Variants in HDAC9 observed in about 807,000 individuals in gnomAD.
The protein encoded by HDAC9 is MEF-2 interacting transcription repressor (MITR) protein.
Under a neutral mutation model 139.4 loss-of-function variants are expected in HDAC9, and 41 were observed. The observed-to-expected ratio is 0.29, with a 90% CI of 0.23 to 0.38. The LOEUF (loss-of-function observed/expected upper bound fraction) is 0.38. HDAC9 is among the 10% of genes least tolerant of loss of function. The pLI is 1.00. For synonymous variants in HDAC9, 517 were observed against 476.2 expected (o/e 1.09, Z -1.12); for missense variants, 1,147 against 1,297.0 (o/e 0.88, Z 1.78).
chr7:18,573,754 T>A (rs969544527), intron 2 of HDAC9, among the ~76,000 whole-genome samples: 4 of 152,176 alleles, frequency 2.6e-5, no homozygotes, highest in Non-Finnish European at 1.5e-5. Context: ...ACGCGGCTTC[T>A]GCTATGGGCA....
intron 12 of HDAC9, among the ~76,000 whole-genome samples, chr7:18,669,059 A>G (rs1286074419): frequency 6.6e-6 from 1 of 151,636 alleles, no homozygotes; most frequent in African/African-American, 2.4e-5. Context: ...AATAGCTAAC[A>G]CATGTAAAAT....
At chr7:18,630,708 A>C (rs753802460) in intron 7 of HDAC9, among the ~76,000 whole-genome samples, 4 of 152,116 alleles carry the variant, frequency 2.6e-5, no homozygotes, top group South Asian at 2.1e-4. Flanking sequence ...ATAATCACTA[A>C]TTTAGACGAA....
intron 1 of HDAC9, among the ~76,000 whole-genome samples, chr7:18,089,914 T>C (rs530815088): frequency 2.2e-4 from 31 of 141,232 alleles, no homozygotes; most frequent in African/African-American, 7.1e-4. Context: ...TTTTGCTTCA[T>C]TGGTTTTTTT....
intron 1 of HDAC9, among the ~76,000 whole-genome samples, chr7:18,295,000 G>A (rs1482033909): frequency 6.6e-6 from 1 of 152,042 alleles, no homozygotes; most frequent in Admixed American, 6.6e-5. Flanking sequence ...GTGAAGATGG[G>A]CAAATTGGAA....
chr7:18,675,561 C>G (rs895458282), intron 12 of HDAC9, among the ~76,000 whole-genome samples: 2 of 152,034 alleles, frequency 1.3e-5, no homozygotes, highest in African/African-American at 4.8e-5. Flanking sequence ...TAACTTTGTT[C>G]TCCTTGGTAG....
At chr7:18,983,093 CTCCT>C (rs1263077611) in intron 25 of HDAC9, among the ~76,000 whole-genome samples, 1 of 152,138 alleles carries the variant, frequency 6.6e-6, no homozygotes, top group African/African-American at 2.4e-5. Flanking sequence ...CATTGACCAG[CTCCT>C]TCATCTTCCC....
intron 1 of HDAC9, among the ~76,000 whole-genome samples, chr7:18,330,031 G>A (rs964920989): frequency 6.6e-6 from 1 of 150,974 alleles, no homozygotes; most frequent in African/African-American, 2.4e-5. Flanking sequence ...TAATGGGAAG[G>A]TATGATACCC....
chr7:18,205,417 T>A (rs1052411403), intron 2 of HDAC9, among the ~76,000 whole-genome samples: 6 of 152,044 alleles, frequency 3.9e-5, no homozygotes, highest in African/African-American at 1.2e-4. Flanking sequence ...AATATGGAAA[T>A]TAAAATTATA....
At chr7:18,796,585 C>T (rs1431997836) in intron 17 of HDAC9, among the ~76,000 whole-genome samples, 1 of 152,112 alleles carries the variant, frequency 6.6e-6, no homozygotes, top group Non-Finnish European at 1.5e-5. Flanking sequence ...TTTAAAAATA[C>T]ATAAGAAGGA....
intron 22 of HDAC9, among the ~76,000 whole-genome samples, chr7:18,885,093 G>A (rs1000398452): frequency 6.6e-6 from 1 of 152,196 alleles, no homozygotes; most frequent in Non-Finnish European, 1.5e-5. Flanking sequence ...AAATAGAAAA[G>A]ATGACTTTCT....
chr7:18,811,676 T>A (rs1794184520), intron 17 of HDAC9, among the ~76,000 whole-genome samples: 2 of 152,024 alleles, frequency 1.3e-5, no homozygotes, highest in South Asian at 4.1e-4. Context: ...TTGTATTACT[T>A]TATTGTATAT....
intron 15 of HDAC9, among the ~76,000 whole-genome samples, chr7:18,765,724 C>G (rs1475000273): frequency 6.6e-6 from 1 of 152,140 alleles, no homozygotes; most frequent in Non-Finnish European, 1.5e-5. Flanking sequence ...TATGAATATA[C>G]TCTTGCAAAA....
At chr7:18,613,654 T>A (rs1029670611) in intron 6 of HDAC9, among the ~76,000 whole-genome samples, 9 of 152,196 alleles carry the variant, frequency 5.9e-5, no homozygotes, top group African/African-American at 1.9e-4. Flanking sequence ...CCTATATGAT[T>A]GAGTTTAGAA....
intron 2 of HDAC9, chr7:18,162,441 G>A: frequency 8.0e-7 from 1 of 1,255,638 alleles, no homozygotes; most frequent in Non-Finnish European, 1.1e-6. Flanking sequence ...ATTTATGAAG[G>A]AACTTTTTTT....
At chr7:18,898,761 T>A (rs1193723770) in intron 22 of HDAC9, among the ~76,000 whole-genome samples, 1 of 151,868 alleles carries the variant, frequency 6.6e-6, no homozygotes, top group African/African-American at 2.4e-5. Context: ...TCTGATTTAG[T>A]TGATTGGTGT....
chr7:18,414,357 A>G (rs1788850518), intron 1 of HDAC9, among the ~76,000 whole-genome samples: 1 of 152,080 alleles, frequency 6.6e-6, no homozygotes, highest in Non-Finnish European at 1.5e-5. Context: ...CTTATCAAAT[A>G]ATAGGAGACA....
At chr7:18,654,510 T>G (rs1406078991) in intron 11 of HDAC9, among the ~76,000 whole-genome samples, 1 of 152,084 alleles carries the variant, frequency 6.6e-6, no homozygotes, top group Non-Finnish European at 1.5e-5. Context: ...AAAATTAATT[T>G]TACAGGGCTG....
chr7:18,641,890 T>C (rs1785719774), intron 8 of HDAC9, among the ~76,000 whole-genome samples: 1 of 152,096 alleles, frequency 6.6e-6, no homozygotes, highest in Non-Finnish European at 1.5e-5. Flanking sequence ...AGACTATGGC[T>C]CCAGGTCTTA....
chr7:18,281,342 G>A (rs1291044313), intron 2 of HDAC9, among the ~76,000 whole-genome samples: 1 of 152,162 alleles, frequency 6.6e-6, no homozygotes, highest in African/African-American at 2.4e-5. Flanking sequence ...AATACTGCAT[G>A]GGTTTTGCAG....
Sources: gnomAD v4.1 joint callset for allele counts (sites outside exome capture counted in the v4.1 genomes callset) on GRCh38, gnomAD v4.1.1 for gene constraint, MANE v1.5 for transcripts, NCBI Gene and HGNC (gene_info 2026-07-23, HGNC 2026-07-21) for gene names.